TNRC6B: variants seen among roughly 807,000 people sequenced by gnomAD.
TNRC6B encodes the protein trinucleotide repeat-containing gene 6B protein.
TNRC6B carries 52 observed loss-of-function variants against 203.6 expected under a neutral mutation model. The ratio of observed to expected loss-of-function variants is 0.26; its 90% CI spans 0.20 to 0.32. TNRC6B has a LOEUF of 0.32. TNRC6B is among the 10% of genes least tolerant of loss of function. The pLI is 1.00. For synonymous variants in TNRC6B, 838 were observed against 845.7 expected (o/e 0.99, Z 0.16); for missense variants, 1,923 against 2,286.2 (o/e 0.84, Z 3.24).
At chr22:40,259,689 C>T (rs893330424) in intron 3 of TNRC6B, among the ~76,000 whole-genome samples, 2 of 152,192 alleles carry the variant, frequency 1.3e-5, no homozygotes, top group Non-Finnish European at 2.9e-5. Context: ...CTCTTTTCTC[C>T]TGTCACCCAC....
intron 12 of TNRC6B, among the ~76,000 whole-genome samples, chr22:40,289,889 C>T (rs2070846100): frequency 6.6e-6 from 1 of 152,234 alleles, no homozygotes; most frequent in Admixed American, 6.5e-5. Context: ...CCCTTAACTC[C>T]CAGCAAATGG....
At position 40,324,861 on chromosome 22, in the gene TNRC6B, AC is replaced by A. The variant is rs1195606094; in HGVS notation, c.*1621del. On this transcript the variant is annotated 3_prime_UTR_variant, in exon 23 of 23. Transcript: ENST00000454349. ...GCTTTTTTAATTTCGGTATTTAAAT[AC>A]TTTTTTTTTTTTTTAAGCATCAATG... 2.0e-5 allele frequency: 3 copies of A among 147,982 alleles called. No homozygotes were observed. The highest frequency in any genetic ancestry group is 7.5e-5 in the African/African-American group (3 of 40,080). The allele number at this position is 147,982 out of a possible 1,614,324, so 9.2% of individuals were successfully genotyped here. A position where few individuals can be genotyped will look rare whatever the true frequency, so the allele number is the denominator to read the frequency against.
chr22:40,078,132 A>C (rs1327514644), intron 1 of TNRC6B, among the ~76,000 whole-genome samples: 2 of 152,204 alleles, frequency 1.3e-5, no homozygotes, highest in Non-Finnish European at 2.9e-5. Flanking sequence ...GCTGAAGGTA[A>C]AGTTTAGATA....
At chr22:40,115,366 C>G (rs373443305) in intron 1 of TNRC6B, among the ~76,000 whole-genome samples, 53 of 152,192 alleles carry the variant, frequency 3.5e-4, no homozygotes, top group African/African-American at 1.3e-3. Flanking sequence ...TGAATCCAGT[C>G]GTCCTCTGAA....
At chr22:40,177,370 C>T (rs2069073473), upstream of TNRC6B, among the ~76,000 whole-genome samples, 1 of 152,186 alleles carries the variant, frequency 6.6e-6, no homozygotes, top group Non-Finnish European at 1.5e-5. Flanking sequence ...CCCTCTTCTG[C>T]AGCTGTTCAG....
At chr22:40,122,770 G>A (rs1238266181) in intron 2 of TNRC6B, among the ~76,000 whole-genome samples, 1 of 152,198 alleles carries the variant, frequency 6.6e-6, no homozygotes, top group Non-Finnish European at 1.5e-5. Flanking sequence ...AGAATGTCTT[G>A]TGAGTTGGTC....
At chr22:40,260,537 A>T (rs2070364268) in intron 3 of TNRC6B, among the ~76,000 whole-genome samples, 1 of 152,194 alleles carries the variant, frequency 6.6e-6, no homozygotes, top group Non-Finnish European at 1.5e-5. Context: ...GAGAATTTTC[A>T]TGGTAGAGAG....
chr22:40,293,874 A>G (rs1202787141), intron 12 of TNRC6B, among the ~76,000 whole-genome samples: 1 of 151,786 alleles, frequency 6.6e-6, no homozygotes, highest in African/African-American at 2.4e-5. Flanking sequence ...TTGTTGGGAA[A>G]GTGCAGTTAA....
Position 40,163,572 on chromosome 22 carries a change from G to A in TNRC6B, c.113+7390G>A, listed in dbSNP as rs1198451014. On this transcript the variant is annotated intron_variant, in intron 4 of 23. Transcript: ENST00000301923. ...GAGGTCAGGAGTTCAAGACCAGCCT[G>A]GCCAACATGGAGAAACCCGTCTATA... Among the ~76,000 whole-genome samples, 4 of 150,462 alleles carry A rather than the reference G, an allele frequency of 2.7e-5. No homozygotes were observed. The South Asian group carries it at 6.3e-4, about 24-fold the overall frequency.
chr22:40,287,080 G>C (rs1031772789), intron 12 of TNRC6B, among the ~76,000 whole-genome samples: 6 of 152,062 alleles, frequency 3.9e-5, no homozygotes, highest in African/African-American at 1.4e-4. Context: ...GTGATCCATA[G>C]CTCATGGCAA....
intron 1 of TNRC6B, among the ~76,000 whole-genome samples, chr22:40,223,600 G>A (rs893781884): frequency 6.6e-6 from 1 of 152,172 alleles, no homozygotes; most frequent in Non-Finnish European, 1.5e-5. Flanking sequence ...AGTACAAAAA[G>A]AACTGCTTGT....
At chr22:40,250,370 A>G (rs1426138785) in intron 2 of TNRC6B, among the ~76,000 whole-genome samples, 1 of 151,786 alleles carries the variant, frequency 6.6e-6, no homozygotes, top group Non-Finnish European at 1.5e-5. Context: ...TCATTTCCAA[A>G]CTCTCTGAAG....
chr22:40,310,974 C>T lies in TNRC6B; in HGVS notation c.4416C>T (p.Ser1472=), dbSNP rs144835808. The T allele has an allele frequency of 5.6e-4, 905 of 1,608,100 alleles. 8 individuals are homozygous for T. In the African/African-American group the frequency reaches 8.1e-3, roughly 14 times the overall value. The part of the protein sequence containing the change: ...PPTNKIGSKS[S]NASWPPEFQP... ...CAAATAAAATCGGAAGTAAATCCAGCAATGCCAGTTGGCCTCCAGGTATTG... is the reference window on the plus strand; with the variant it reads ...CAAATAAAATCGGAAGTAAATCCAGTAATGCCAGTTGGCCTCCAGGTATTG... Residue 1472 remains serine, a synonymous_variant, in exon 17 of 23, where the codon AGC becomes AGT. Transcript: ENST00000454349.
chr22:40,196,366 C>T (rs1259902177), intron 1 of TNRC6B, among the ~76,000 whole-genome samples: 1 of 151,880 alleles, frequency 6.6e-6, no homozygotes, highest in Non-Finnish European at 1.5e-5. Context: ...ATGTGATCTT[C>T]TTCTATCACA....
chr22:40,154,189 C>T (rs757845303), intron 3 of TNRC6B, among the ~76,000 whole-genome samples: 6 of 152,066 alleles, frequency 3.9e-5, no homozygotes, highest in Non-Finnish European at 5.9e-5. Flanking sequence ...ATGGGCTGGG[C>T]GCATTGGCTC....
chr22:40,264,057 G>A (rs191786696), intron 4 of TNRC6B, among the ~76,000 whole-genome samples: 1 of 152,362 alleles, frequency 6.6e-6, no homozygotes, highest in East Asian at 1.9e-4. Flanking sequence ...GGGCCCAGAA[G>A]GATGAGTAAA....
chr22:40,059,212 C>T (rs192020641), intron 1 of TNRC6B, among the ~76,000 whole-genome samples: 457 of 152,316 alleles, frequency 3.0e-3, no homozygotes, highest in Non-Finnish European at 5.4e-3. Context: ...GTCCCCCTTA[C>T]TCTCAAAAAG....
At chr22:40,238,391 C>T (rs1407533296) in intron 1 of TNRC6B, among the ~76,000 whole-genome samples, 14 of 152,116 alleles carry the variant, frequency 9.2e-5, no homozygotes, top group Non-Finnish European at 1.8e-4. Flanking sequence ...TCACCAGTCG[C>T]AATTTGATTC....
At chr22:40,091,912 A>G (rs1173707005) in intron 1 of TNRC6B, among the ~76,000 whole-genome samples, 1 of 152,200 alleles carries the variant, frequency 6.6e-6, no homozygotes, top group Non-Finnish European at 1.5e-5. Context: ...TGCAGTGTAA[A>G]ATTTAAATTG....
Sources: allele counts gnomAD v4.1 joint callset (sites outside exome capture counted in the v4.1 genomes callset), GRCh38; gene constraint gnomAD v4.1.1; transcripts MANE v1.5; gene names NCBI Gene and HGNC (gene_info 2026-07-23, HGNC 2026-07-21).